The following HEATR5A variants were observed in gnomAD, a reference collection of about 807,000 sequenced individuals.
HEATR5A encodes the protein HEAT repeat-containing protein 5A.
In HEATR5A, 178 loss-of-function variants were observed where a neutral mutation model predicts 218.8. The observed-to-expected ratio is 0.81, with a 90% CI of 0.72 to 0.92. HEATR5A has a LOEUF of 0.92. Ranked by LOEUF, HEATR5A falls within the 40% of genes least tolerant of loss-of-function variation. The pLI is 0.00. For synonymous variants in HEATR5A, 864 were observed against 871.6 expected (o/e 0.99, Z 0.15); for missense variants, 2,420 against 2,418.9 (o/e 1.00, Z -0.01).
At chr14:31,326,428 T>C (rs1031555202) in intron 22 of HEATR5A, 86 bp from the exon 23 acceptor site, 8 of 956,168 alleles carry the variant, frequency 8.4e-6, no homozygotes, top group African/African-American at 1.6e-5. Context: ...GTTATTCAAA[T>C]AGTAGATAAA....
chr14:31,307,287 C>G (rs1244469667), intron 30 of HEATR5A, among the ~76,000 whole-genome samples: 1 of 152,228 alleles, frequency 6.6e-6, no homozygotes, highest in African/African-American at 2.4e-5. Context: ...AAGTAATCTA[C>G]TTGATAAAAC....
In HEATR5A at chr14:31,395,344, T is replaced by C; in HGVS notation, c.452A>G (p.Gln151Arg). ...ACTTAGCATAATCTCATATCGGCCTTGAGACTTCCAAAAAGAAAAAAAATT... is the reference window on the plus strand; with the variant it reads ...ACTTAGCATAATCTCATATCGGCCTCGAGACTTCCAAAAAGAAAAAAAATT... ...ILKAMKSAES[Q>R]GRYEIMLSLQ... Residue 151 changes from glutamine to arginine, a missense_variant, in exon 5 of 36, where the codon CAA (glutamine) becomes CGA (arginine). Transcript: ENST00000543095. 6.7e-7 allele frequency: 1 copy of C among 1,497,484 alleles called. No individual in the cohort carries two copies. Among genetic ancestry groups the C allele is most frequent in the Non-Finnish European group, 8.9e-7 (1 of 1,124,570 alleles). 92.8% of individuals were successfully genotyped at this position (1,497,484 alleles called of 1,614,324 possible). A position where few individuals can be genotyped will look rare whatever the true frequency, so the allele number is the denominator to read the frequency against.
intron 22 of HEATR5A, among the ~76,000 whole-genome samples, chr14:31,334,089 A>G (rs374984758): frequency 2.6e-5 from 4 of 151,100 alleles, no homozygotes; most frequent in Admixed American, 2.0e-4. Flanking sequence ...GGATGATAGC[A>G]TATCTGTTTA....
At chr14:31,402,727 GT>G in intron 2 of HEATR5A, 122 bp downstream of exon 2, 1 of 897,972 alleles carries the variant, frequency 1.1e-6, no homozygotes, top group Non-Finnish European at 1.6e-6. Context: ...ACTTCATTAA[GT>G]TTTAACAAAG....
intron 26 of HEATR5A, among the ~76,000 whole-genome samples, chr14:31,316,572 A>T (rs1337760023): frequency 1.3e-5 from 2 of 152,252 alleles, no homozygotes; most frequent in Non-Finnish European, 2.9e-5. Context: ...GAAATAATAA[A>T]ACCCCAACAA....
At chr14:31,365,507 C>T (rs371979127) in intron 13 of HEATR5A, among the ~76,000 whole-genome samples, 3 of 151,860 alleles carry the variant, frequency 2.0e-5, no homozygotes, top group African/African-American at 7.3e-5. Context: ...ACTACAGGCA[C>T]GTGCCACCAC....
At chr14:31,306,600 TA>T in intron 31 of HEATR5A, 131 bp downstream of exon 31, 1 of 909,924 alleles carries the variant, frequency 1.1e-6, no homozygotes, top group Non-Finnish European at 1.6e-6. Context: ...AAAAGTAAAA[TA>T]AGGCCATGCC....
chr14:31,310,955 G>A (rs1899727774), intron 28 of HEATR5A, among the ~76,000 whole-genome samples: 1 of 151,960 alleles, frequency 6.6e-6, no homozygotes. Flanking sequence ...AGTGCACTAT[G>A]ATTGCTCCTG....
At chr14:31,310,814 A>T (rs1176846817) in intron 28 of HEATR5A, among the ~76,000 whole-genome samples, 3 of 152,170 alleles carry the variant, frequency 2.0e-5, no homozygotes. Flanking sequence ...AAGTACAACA[A>T]ACACTCCATA....
chr14:31,302,513 A>G lies in HEATR5A; in HGVS notation c.5246T>C (p.Ile1749Thr). ...LPAVCSPEGS[I>T]SILPTILYLT... ...GTACAATATAGTAGGGAGAATTGAG[A>G]TGCTTCCTGTAAGATACATTTTTTA... The change falls in exon 33 of 36, where the codon ATC becomes ACC. Residue 1749 changes from isoleucine to threonine, a missense_variant. Physicochemically the swap from Ile to Thr is moderately conservative, Grantham distance 89. Transcript: ENST00000543095. The G allele has an allele frequency of 6.4e-7, 1 of 1,564,672 alleles. No individual in the cohort carries two copies. The highest frequency in any genetic ancestry group is 8.7e-7 in the Non-Finnish European group (1 of 1,151,576).
chr14:31,307,768 T>G, intron 30 of HEATR5A, 125 bp downstream of exon 30: 1 of 1,001,908 alleles, frequency 1.0e-6, no homozygotes, highest in Non-Finnish European at 1.5e-6. Context: ...GGCCTAGCTG[T>G]GAGGCTGTAT....
chr14:31,394,541 C>T (rs1002082511), intron 5 of HEATR5A, among the ~76,000 whole-genome samples: 1 of 152,042 alleles, frequency 6.6e-6, no homozygotes, highest in Non-Finnish European at 1.5e-5. Context: ...TCTGGCTGGG[C>T]ACGGAGGCTC....
intron 22 of HEATR5A, among the ~76,000 whole-genome samples, chr14:31,336,468 G>A (rs893596908): frequency 1.3e-5 from 2 of 151,598 alleles, no homozygotes; most frequent in Non-Finnish European, 2.9e-5. Flanking sequence ...AAGATTACAG[G>A]TGTGAGCCAC....
chr14:31,345,164 G>A lies in HEATR5A; in HGVS notation c.2981C>T (p.Pro994Leu). Residue 994 changes from proline to leucine, a missense_variant, in exon 20 of 36, where the codon CCT becomes CTT. Physicochemically the swap from Pro to Leu is moderately conservative, Grantham distance 98. Transcript: ENST00000543095. ...LIIMLLLNVP[P>L]THAEVHQSLG... ...GCTTTGGTGAACTTCAGCATGAGTA[G>A]GAGGCACATTTAACAACAACATTAT... 5 of 1,613,924 alleles carry A rather than the reference G, an allele frequency of 3.1e-6. No individual in the cohort carries two copies. Among genetic ancestry groups the A allele is most frequent in the Non-Finnish European group, 3.4e-6 (4 of 1,179,834 alleles).
rs1461661982 is a variant in HEATR5A, at chr14:31,313,132, G to A, written c.4277C>T (p.Thr1426Ile). The A allele has an allele frequency of 2.5e-6, 4 of 1,613,826 alleles. No homozygotes were observed. The South Asian group carries it at 3.3e-5, about 13-fold the overall frequency. ...ATTTCTGATACCGTCTTCTAAACAGGTGGTAGTCTTCAAAGGTTGTCTGTG... is the reference window on the plus strand; with the variant it reads ...ATTTCTGATACCGTCTTCTAAACAGATGGTAGTCTTCAAAGGTTGTCTGTG... ...KNHRQPLKTT[T>I]CLEDGIRNGS... The change falls in exon 28 of 36, where the codon ACC becomes ATC. Residue 1426 changes from threonine (T) to isoleucine (I), a missense_variant. Coordinates refer to ENST00000543095, the MANE Select transcript of HEATR5A (RefSeq NM_015473.4).
At position 31,292,178 on chromosome 14, in the gene HEATR5A, G is replaced by T. The variant is rs1165030852; in HGVS notation, c.*1127C>A. 1.3e-5 allele frequency: 2 copies of T among 152,106 alleles called. No homozygotes were observed. Among genetic ancestry groups the T allele is most frequent in the Non-Finnish European group, 2.9e-5 (2 of 68,008 alleles). 9.4% of individuals were successfully genotyped at this position (152,106 alleles called of 1,614,324 possible). ...TGTATTCACCTGATGACCTAAATTT[G>T]TTGTACTAAATTTGGCATTTATATA... is the stretch of plus-strand genomic sequence containing the variant. On this transcript the variant is annotated 3_prime_UTR_variant, in exon 36 of 36. Transcript: ENST00000543095.
At chr14:31,393,716 C>T (rs919433762) in intron 6 of HEATR5A, among the ~76,000 whole-genome samples, 6 of 151,748 alleles carry the variant, frequency 4.0e-5, no homozygotes, top group East Asian at 3.9e-4. Flanking sequence ...TGTGCAGTGG[C>T]GCAATCTCAG....
chr14:31,373,369 T>A (rs965193012), intron 12 of HEATR5A, among the ~76,000 whole-genome samples: 4 of 151,570 alleles, frequency 2.6e-5, no homozygotes, highest in Admixed American at 2.6e-4. Context: ...ACTCTTGTTG[T>A]CCAGGCTGGA....
intron 33 of HEATR5A, among the ~76,000 whole-genome samples, chr14:31,301,992 T>G (rs887693239): frequency 6.6e-6 from 1 of 150,636 alleles, no homozygotes; most frequent in African/African-American, 2.4e-5. Context: ...GCCACCAGAA[T>G]CGGCTGATTT....
Sources: gnomAD v4.1 joint callset for allele counts (sites outside exome capture counted in the v4.1 genomes callset) on GRCh38, gnomAD v4.1.1 for gene constraint, MANE v1.5 for transcripts, NCBI Gene and HGNC (gene_info 2026-07-23, HGNC 2026-07-21) for gene names.